PRMT3: variants seen among roughly 807,000 people sequenced by gnomAD.
PRMT3 encodes the protein protein arginine methyltransferase 3.
In PRMT3, 62 loss-of-function variants were observed where a neutral mutation model predicts 71.9. The ratio of observed to expected loss-of-function variants is 0.86; its 90% CI spans 0.70 to 1.07. PRMT3 has a LOEUF of 1.07. Ranked by LOEUF, PRMT3 falls within the 50% of genes least tolerant of loss-of-function variation. The pLI is 0.00. For synonymous variants in PRMT3, 213 were observed against 220.4 expected (o/e 0.97, Z 0.30); for missense variants, 663 against 643.0 (o/e 1.03, Z -0.34).
chr11:20,397,867 T>A, intron 7 of PRMT3, 146 bp downstream of exon 7: 1 of 799,304 alleles, frequency 1.3e-6, no homozygotes, highest in Non-Finnish European at 1.9e-6. Context: ...GCTTGGTATC[T>A]CATCTTGGGT....
chr11:20,435,778 TTGCCG>T (rs1332612002), intron 10 of PRMT3, among the ~76,000 whole-genome samples: 1 of 152,230 alleles, frequency 6.6e-6, no homozygotes, highest in Non-Finnish European at 1.5e-5. Flanking sequence ...GCCTCCAGCT[TTGCCG>T]TTTTTGCTCA....
intron 13 of PRMT3, among the ~76,000 whole-genome samples, chr11:20,492,436 A>G (rs1317055147): frequency 6.6e-6 from 1 of 152,186 alleles, no homozygotes; most frequent in Non-Finnish European, 1.5e-5. Flanking sequence ...AATTATTACT[A>G]GTATTTTGAT....
At position 20,459,130 on chromosome 11, in the gene PRMT3, A is replaced by G. The variant is rs1426181051; in HGVS notation, c.1073-2850A>G. Reference sequence around the variant, plus strand: ...AAATGAATGTGGTAGTGTTACAGCTAAACTTTATATATTAATACAAAAACT... The same window carrying G: ...AAATGAATGTGGTAGTGTTACAGCTGAACTTTATATATTAATACAAAAACT... On this transcript the variant is annotated intron_variant, in intron 11 of 15. Transcript: ENST00000331079. Among the ~76,000 whole-genome samples, 3 of 152,194 alleles carry G rather than the reference A, an allele frequency of 2.0e-5. No homozygotes were observed. The East Asian group carries it at 5.8e-4, about 29-fold the overall frequency.
chr11:20,411,843 A>G (rs1169297959), intron 9 of PRMT3, among the ~76,000 whole-genome samples: 4 of 152,154 alleles, frequency 2.6e-5, no homozygotes, highest in Admixed American at 2.0e-4. Context: ...TTAGTGAGGA[A>G]AAGTTTTATT....
At chr11:20,498,015 C>T (rs1253315653) in intron 15 of PRMT3, among the ~76,000 whole-genome samples, 1 of 151,686 alleles carries the variant, frequency 6.6e-6, no homozygotes, top group Non-Finnish European at 1.5e-5. Flanking sequence ...GTGAACATAG[C>T]GAAGAGAATA....
intron 10 of PRMT3, among the ~76,000 whole-genome samples, chr11:20,441,788 GT>G (rs61553968): frequency 0.069 from 8,119 of 118,462 alleles, 660 homozygotes; most frequent in African/African-American, 0.18. Flanking sequence ...ATAGTTTCAG[GT>G]TTTTTTTTTT....
intron 10 of PRMT3, among the ~76,000 whole-genome samples, chr11:20,429,292 T>C (rs1331521716): frequency 6.6e-6 from 1 of 152,136 alleles, no homozygotes; most frequent in African/African-American, 2.4e-5. Context: ...CACAATAGGG[T>C]TCACGCTCCT....
At chr11:20,424,269 G>GCA (rs141545854) in intron 9 of PRMT3, among the ~76,000 whole-genome samples, 11,357 of 44,896 alleles carry the variant, frequency 0.25, 589 homozygotes, top group Non-Finnish European at 0.49. Context: ...CTTTAAGGAG[G>GCA]TACTATCAAA....
At chr11:20,411,582 T>G (rs564614048) in intron 9 of PRMT3, among the ~76,000 whole-genome samples, 1 of 152,204 alleles carries the variant, frequency 6.6e-6, no homozygotes, top group Non-Finnish European at 1.5e-5. Flanking sequence ...GTTTCACTAC[T>G]GCAAATAATT....
chr11:20,480,476 A>T (rs185564521), intron 13 of PRMT3, among the ~76,000 whole-genome samples: 1 of 152,184 alleles, frequency 6.6e-6, no homozygotes, highest in African/African-American at 2.4e-5. Flanking sequence ...TGGCTGGGAC[A>T]TGTAGATCAT....
At chr11:20,411,947 G>T (rs1217761571) in intron 9 of PRMT3, among the ~76,000 whole-genome samples, 1 of 152,032 alleles carries the variant, frequency 6.6e-6, no homozygotes. Flanking sequence ...ATCCACATAA[G>T]ACTTGTTTTT....
intron 9 of PRMT3, among the ~76,000 whole-genome samples, chr11:20,421,507 C>A (rs766725797): frequency 6.6e-6 from 1 of 152,134 alleles, no homozygotes. Flanking sequence ...ATCATTATCT[C>A]CTTGCCATAT....
At chr11:20,435,399 G>A (rs1849740685) in intron 10 of PRMT3, among the ~76,000 whole-genome samples, 1 of 151,890 alleles carries the variant, frequency 6.6e-6, no homozygotes, top group Non-Finnish European at 1.5e-5. Flanking sequence ...ATGGGGTTTT[G>A]CCATATTGCC....
In PRMT3 at chr11:20,408,039, A is replaced by G. The variant is rs1303414752; in HGVS notation, c.893+7A>G. 1 of 1,524,618 alleles carries G rather than the reference A, an allele frequency of 6.6e-7. No individual in the cohort carries two copies. The highest frequency in any genetic ancestry group is 8.9e-7 in the Non-Finnish European group (1 of 1,121,582). 94.4% of individuals were successfully genotyped at this position (1,524,618 alleles called of 1,614,324 possible). A position where few individuals can be genotyped will look rare whatever the true frequency, so the allele number is the denominator to read the frequency against. ...AGGCAATGGATATTATAAGGTACATATATTTTAAGCCTTCATTTAAGATTA... is the reference window on the plus strand; with the variant it reads ...AGGCAATGGATATTATAAGGTACATGTATTTTAAGCCTTCATTTAAGATTA... On this transcript the variant is annotated splice_region_variant and intron_variant, in intron 9 of 15. Transcript: ENST00000331079.
At chr11:20,488,815 T>G (rs1314737830) in intron 13 of PRMT3, among the ~76,000 whole-genome samples, 1 of 152,198 alleles carries the variant, frequency 6.6e-6, no homozygotes, top group African/African-American at 2.4e-5. Flanking sequence ...CCCAAATCAT[T>G]GTTCTTCAAA....
chr11:20,503,146 T>C (rs1290048953), intron 15 of PRMT3, among the ~76,000 whole-genome samples: 1 of 152,164 alleles, frequency 6.6e-6, no homozygotes, highest in Admixed American at 6.5e-5. Flanking sequence ...TCTTGCTTTA[T>C]AGAATTTTTT....
intron 13 of PRMT3, among the ~76,000 whole-genome samples, chr11:20,472,961 T>C (rs1442699722): frequency 6.6e-6 from 1 of 152,182 alleles, no homozygotes; most frequent in East Asian, 1.9e-4. Context: ...AATTTCTTCC[T>C]GGCTCAGTCT....
intron 10 of PRMT3, among the ~76,000 whole-genome samples, chr11:20,442,455 G>A (rs879541102): frequency 6.6e-6 from 1 of 151,998 alleles, no homozygotes; most frequent in Admixed American, 6.5e-5. Context: ...TTTGTGGATA[G>A]ATGACCATTT....
At chr11:20,428,431 A>G (rs1019195189) in intron 10 of PRMT3, among the ~76,000 whole-genome samples, 6 of 152,186 alleles carry the variant, frequency 3.9e-5, no homozygotes, top group African/African-American at 1.4e-4. Flanking sequence ...TCTGATTACA[A>G]TAACTAATGG....
Sources: allele counts gnomAD v4.1 joint callset (sites outside exome capture counted in the v4.1 genomes callset), GRCh38; gene constraint gnomAD v4.1.1; transcripts MANE v1.5; gene names NCBI Gene and HGNC (gene_info 2026-07-23, HGNC 2026-07-21).